ADAM28: variants seen among roughly 807,000 people sequenced by gnomAD.
ADAM28 encodes the protein disintegrin and metalloproteinase domain-containing protein 28.
A neutral mutation model predicts 101.2 loss-of-function variants in ADAM28; 105 were observed. That is an observed-to-expected ratio of 1.04 (90% CI 0.89 to 1.22). The LOEUF is 1.22. ADAM28 is among the 50% of genes most tolerant of loss of function. The pLI is 0.00. For missense variants in ADAM28, 1,028 were observed against 945.4 expected (o/e 1.09, Z -1.15); for synonymous variants, 322 against 310.6 (o/e 1.04, Z -0.39).
At chr8:24,295,414 A>C (rs1464771684) in intron 1 of ADAM28, among the ~76,000 whole-genome samples, 2 of 152,194 alleles carry the variant, frequency 1.3e-5, no homozygotes. Flanking sequence ...AACTCATGCC[A>C]GGCATTTAAC....
intron 10 of ADAM28, among the ~76,000 whole-genome samples, chr8:24,329,064 T>C (rs1376214656): frequency 6.6e-6 from 1 of 152,068 alleles, no homozygotes; most frequent in Non-Finnish European, 1.5e-5. Flanking sequence ...GAACTTCATA[T>C]AGGCCTCTAA....
chr8:24,323,153 C>T (rs1312043601), intron 8 of ADAM28, among the ~76,000 whole-genome samples: 3 of 151,908 alleles, frequency 2.0e-5, no homozygotes, highest in Admixed American at 6.6e-5. Context: ...GAGACAGCTG[C>T]CTTCTCACTG....
At chr8:24,316,840 A>G (rs1811221886) in intron 6 of ADAM28, among the ~76,000 whole-genome samples, 1 of 152,084 alleles carries the variant, frequency 6.6e-6, no homozygotes, top group Non-Finnish European at 1.5e-5. Flanking sequence ...CTGAAAAACC[A>G]TTAACACTAA....
chr8:24,336,219 T>A, intron 14 of ADAM28: 1 of 931,374 alleles, frequency 1.1e-6, no homozygotes, highest in African/African-American at 1.8e-5. Context: ...ATTCTCTAAT[T>A]TCACCAAGAA....
chr8:24,351,125 C>T, intron 19 of ADAM28, 107 bp from the exon 20 acceptor site: 1 of 919,454 alleles, frequency 1.1e-6, no homozygotes, highest in Non-Finnish European at 1.6e-6. Context: ...AGGCAATAGG[C>T]AAGAAAGACA....
At position 24,343,529 on chromosome 8, in the gene ADAM28, TC is replaced by T. The variant is rs1299475147; in HGVS notation, c.1936del (p.Gln646AsnfsTer40). The T allele has an allele frequency of 1.2e-6, 2 of 1,613,658 alleles. No individual in the cohort carries two copies. Among genetic ancestry groups the T allele is most frequent in the Non-Finnish European group, 1.7e-6 (2 of 1,179,826 alleles). On this transcript the variant is annotated frameshift_variant, in exon 18 of 23. Transcript: ENST00000265769. LOFTEE classifies it high-confidence loss of function. ...AGGTGTGTGACCATGAGCTCCAGTG[TC>T]AATGTGAGGAAGGATGGATCCCTCC... ...HAVCDHELQC[Q>X]CEEGWIPPDC...
chr8:24,298,284 T>C (rs1391898434), intron 1 of ADAM28, among the ~76,000 whole-genome samples: 1 of 152,186 alleles, frequency 6.6e-6, no homozygotes. Flanking sequence ...AAAGAAAAGA[T>C]AGTTCATTAC....
chr8:24,356,464 C>T lies in ADAM28; in HGVS notation c.*2060C>T, dbSNP rs1479388041. The T allele has an allele frequency of 1.3e-5, 2 of 152,190 alleles. No homozygotes were observed. Among genetic ancestry groups the T allele is most frequent in the African/African-American group, 2.4e-5 (1 of 41,468 alleles). The allele number at this position is 152,190 out of a possible 1,614,324, so 9.4% of individuals were successfully genotyped here. On this transcript the variant is annotated 3_prime_UTR_variant, in exon 23 of 23. Coordinates refer to ENST00000265769, the MANE Select transcript of ADAM28 (RefSeq NM_014265.6). Reference sequence around the variant, plus strand: ...ATGCCTGCAAGTTCCTAAATGATGTCACTAGGTCCCTGATGCAGATGCATC... The same window carrying T: ...ATGCCTGCAAGTTCCTAAATGATGTTACTAGGTCCCTGATGCAGATGCATC...
intron 2 of ADAM28, chr8:24,300,904 T>A (rs1808665478): frequency 6.6e-6 from 1 of 152,180 alleles, no homozygotes; most frequent in Non-Finnish European, 1.5e-5. Flanking sequence ...CTGAATAGGC[T>A]CTTCTTAATG....
rs1816717758 is a variant in ADAM28, at chr8:24,356,814, G to T, written c.*2410G>T. 6.6e-6 allele frequency: 1 copy of T among 152,068 alleles called. No individual in the cohort carries two copies. The highest frequency in any genetic ancestry group is 1.5e-5 in the Non-Finnish European group (1 of 68,012). The allele number at this position is 152,068 out of a possible 1,614,324, so 9.4% of individuals were successfully genotyped here. ...TTATGTTTTTATCCAGTTACTCTAA[G>T]ATACCTTAGTGTTTGTCTACTTATT... On this transcript the variant is annotated 3_prime_UTR_variant, in exon 23 of 23. Transcript: ENST00000265769.
chr8:24,300,139 A>G, intron 2 of ADAM28, 62 bp downstream of exon 2: 1 of 1,323,892 alleles, frequency 7.6e-7, no homozygotes, highest in Non-Finnish European at 1.1e-6. Flanking sequence ...ACATATATAT[A>G]TCTATCTATG....
intron 16 of ADAM28, 24 bp downstream of exon 16, chr8:24,341,781 C>T (rs1171523119): frequency 6.2e-7 from 1 of 1,612,936 alleles, no homozygotes. Context: ...GTGGCTTTCA[C>T]TCAAAATAGT....
intron 1 of ADAM28, among the ~76,000 whole-genome samples, chr8:24,298,384 C>T (rs560044422): frequency 2.6e-5 from 4 of 152,136 alleles, no homozygotes; most frequent in Non-Finnish European, 4.4e-5. Context: ...ACTCTTGAGT[C>T]GTTAAATGAA....
chr8:24,351,012 G>T (rs1034046011), intron 19 of ADAM28, among the ~76,000 whole-genome samples: 6 of 151,868 alleles, frequency 4.0e-5, no homozygotes, highest in Non-Finnish European at 8.8e-5. Flanking sequence ...AGAAGTCAGG[G>T]GTTTTTGGAG....
intron 4 of ADAM28, among the ~76,000 whole-genome samples, chr8:24,310,818 A>C (rs1190715087): frequency 6.6e-6 from 1 of 152,154 alleles, no homozygotes; most frequent in African/African-American, 2.4e-5. Context: ...TCTGTCCCGA[A>C]CTAGAAAGGT....
intron 18 of ADAM28, 84 bp from the exon 19 acceptor site, chr8:24,349,780 G>T (rs1815844780): frequency 1.9e-6 from 2 of 1,026,580 alleles, no homozygotes; most frequent in Non-Finnish European, 2.9e-6. Context: ...GCTGGAATAT[G>T]TGCTAAGTAA....
In ADAM28 at chr8:24,323,912, C is replaced by G; in HGVS notation, c.799C>G (p.Pro267Ala). 6.2e-7 allele frequency: 1 copy of G among 1,612,188 alleles called. No homozygotes were observed. Among genetic ancestry groups the G allele is most frequent in the Non-Finnish European group, 8.5e-7 (1 of 1,178,820 alleles). Reference protein sequence around the residue: ...WTDKDKIKITPNASFTLENFS... With the variant: ...WTDKDKIKITANASFTLENFS... ...TGACAAGGATAAGATAAAGATAACC[C>G]CAAATGCAAGCTTCACCTTGGAGAA... Residue 267 changes from proline to alanine, a missense_variant, in exon 9 of 23, where the codon CCA becomes GCA. Physicochemically the swap from Pro to Ala is conservative, Grantham distance 27. Coordinates refer to ENST00000265769, the MANE Select transcript of ADAM28 (RefSeq NM_014265.6).
chr8:24,326,495 T>C, intron 9 of ADAM28, 59 bp from the exon 10 acceptor site: 1 of 1,493,362 alleles, frequency 6.7e-7, no homozygotes, highest in Admixed American at 1.7e-5. Flanking sequence ...GGATGTATTG[T>C]CTATAAAAAT....
At chr8:24,341,435 G>A (rs957370621) in intron 15 of ADAM28, 163 bp from the exon 16 acceptor site, 30 of 695,694 alleles carry the variant, frequency 4.3e-5, no homozygotes, top group East Asian at 3.4e-4. Flanking sequence ...TTGTGCTAAC[G>A]TTCAGGCATC....
Sources: gnomAD v4.1 joint callset for allele counts (sites outside exome capture counted in the v4.1 genomes callset) on GRCh38, gnomAD v4.1.1 for gene constraint, MANE v1.5 for transcripts, NCBI Gene and HGNC (gene_info 2026-07-23, HGNC 2026-07-21) for gene names.